Variants in BORCS5 observed in about 807,000 individuals in gnomAD.
BORCS5 encodes the protein BLOC-1 related complex subunit 5.
BORCS5 carries 17 observed loss-of-function variants against 22.1 expected under a neutral mutation model. The ratio of observed to expected loss-of-function variants is 0.77; its 90% CI spans 0.53 to 1.15. The LOEUF (loss-of-function observed/expected upper bound fraction) is 1.15. Ranked by LOEUF, BORCS5 falls within the 50% of genes most tolerant of loss-of-function variation. The pLI, the probability that BORCS5 is intolerant of heterozygous loss-of-function variation, is 0.00. For synonymous variants in BORCS5, 117 were observed against 99.8 expected, an observed-to-expected ratio of 1.17 and a Z score of -1.03; for missense variants, 247 against 253.2, an observed-to-expected ratio of 0.98 and a Z score of 0.17.
chr12:12,421,473 C>T (rs755550232), intron 2 of BORCS5, among the ~76,000 whole-genome samples: 9 of 152,238 alleles, frequency 5.9e-5, no homozygotes, highest in East Asian at 5.8e-4. Context: ...TGAGGATTTT[C>T]GCATCGATGT....
At chr12:12,413,839 G>A (rs367675964) in intron 2 of BORCS5, among the ~76,000 whole-genome samples, 6 of 57,776 alleles carry the variant, frequency 1.0e-4, no homozygotes, top group East Asian at 3.0e-4. Context: ...CGGGGGGCTG[G>A]CCCCCCCACC....
chr12:12,448,806 C>T (rs1317656139), intron 3 of BORCS5, among the ~76,000 whole-genome samples: 2 of 152,322 alleles, frequency 1.3e-5, no homozygotes, highest in African/African-American at 4.8e-5. Flanking sequence ...GGATTACAGG[C>T]GTGAGCCACT....
chr12:12,362,232 T>C (rs991471966), intron 2 of BORCS5, among the ~76,000 whole-genome samples: 3 of 152,216 alleles, frequency 2.0e-5, no homozygotes, highest in Admixed American at 6.5e-5. Flanking sequence ...ATAAGCCTTT[T>C]ATAAGGCAGC....
At chr12:12,430,728 TC>T (rs1477094878) in intron 2 of BORCS5, among the ~76,000 whole-genome samples, 1 of 152,206 alleles carries the variant, frequency 6.6e-6, no homozygotes, top group Non-Finnish European at 1.5e-5. Flanking sequence ...TCCATCTAAT[TC>T]TTATATATCA....
chr12:12,361,281 G>C lies in BORCS5; in HGVS notation c.134G>C (p.Arg45Pro), dbSNP rs144877374. ...VVVAQGSQASRNVSNDPDVIK... is the reference protein window; with the variant it reads ...VVVAQGSQASPNVSNDPDVIK... ...GTAGCTCAGGGCTCCCAGGCCTCAC[G>C]GAACGTCAGCAACGATCCCGATGTC... Residue 45 changes from arginine (R) to proline (P), a missense_variant, in exon 2 of 4, where the codon CGG (arginine) becomes CCG (proline). Coordinates refer to ENST00000314565, the MANE Select transcript of BORCS5 (RefSeq NM_058169.6). The C allele has an allele frequency of 6.2e-7, 1 of 1,614,020 alleles. No homozygotes were observed. Among genetic ancestry groups the C allele is most frequent in the East Asian group, 2.2e-5 (1 of 44,888 alleles).
At chr12:12,387,098 C>T (rs1026216375) in intron 2 of BORCS5, among the ~76,000 whole-genome samples, 1 of 151,202 alleles carries the variant, frequency 6.6e-6, no homozygotes, top group African/African-American at 2.4e-5. Context: ...AAACACCTGG[C>T]CTCAAGTCAT....
intron 2 of BORCS5, among the ~76,000 whole-genome samples, chr12:12,422,638 T>C (rs1942164350): frequency 6.6e-6 from 1 of 151,922 alleles, no homozygotes; most frequent in Admixed American, 6.6e-5. Context: ...AGGAATGACC[T>C]CCAGAGGCAG....
intron 2 of BORCS5, among the ~76,000 whole-genome samples, chr12:12,416,718 A>T (rs985416798): frequency 1.3e-5 from 2 of 151,166 alleles, no homozygotes; most frequent in Admixed American, 1.3e-4. Flanking sequence ...ACCTCCGCCT[A>T]CTGAGTAGAT....
chr12:12,431,505 G>A (rs746200280), intron 2 of BORCS5, among the ~76,000 whole-genome samples: 2 of 147,310 alleles, frequency 1.4e-5, no homozygotes, highest in Non-Finnish European at 3.0e-5. Flanking sequence ...GGGTTCAAGC[G>A]ATTCTCCTGC....
chr12:12,364,562 C>G (rs1863364518), intron 2 of BORCS5, among the ~76,000 whole-genome samples: 1 of 151,774 alleles, frequency 6.6e-6, no homozygotes, highest in Non-Finnish European at 1.5e-5. Context: ...CCACGTGGTT[C>G]AGACCCATGT....
At chr12:12,427,931 C>T (rs1265238424) in intron 2 of BORCS5, among the ~76,000 whole-genome samples, 1 of 152,226 alleles carries the variant, frequency 6.6e-6, no homozygotes, top group Non-Finnish European at 1.5e-5. Flanking sequence ...AATACCATTA[C>T]ACTGGGGATT....
intron 2 of BORCS5, among the ~76,000 whole-genome samples, chr12:12,414,253 A>G (rs1754251944): frequency 6.4e-5 from 3 of 47,024 alleles, no homozygotes; most frequent in Non-Finnish European, 8.1e-5. Flanking sequence ...GGCCGGGCAG[A>G]GGGGCTCCTC....
In BORCS5 at chr12:12,435,737, A is replaced by C; in HGVS notation, c.312A>C (p.Ala104=). The C allele has an allele frequency of 6.2e-7, 1 of 1,614,102 alleles. No individual in the cohort carries two copies. Among genetic ancestry groups the C allele is most frequent in the Non-Finnish European group, 8.5e-7 (1 of 1,179,982 alleles). Reference sequence around the variant, plus strand: ...ATCAAGATCACCTGCATCAGTGTGCAGAGGCCGTTGCTTTTGACCAGAATG... The same window carrying C: ...ATCAAGATCACCTGCATCAGTGTGCCGAGGCCGTTGCTTTTGACCAGAATG... ...LRYQDHLHQC[A]EAVAFDQNAL... The change falls in exon 3 of 4, where the codon GCA becomes GCC. Residue 104 remains alanine (A), a synonymous_variant. Transcript: ENST00000314565.
intron 2 of BORCS5, among the ~76,000 whole-genome samples, chr12:12,383,942 A>G (rs986821373): frequency 2.0e-5 from 3 of 150,926 alleles, no homozygotes; most frequent in Non-Finnish European, 4.4e-5. Flanking sequence ...TGTTGCACAG[A>G]TCTCTAAGGC....
Position 12,379,580 on chromosome 12 carries a change from G to A in BORCS5, c.202+18231G>A, listed in dbSNP as rs553922234. Among the ~76,000 whole-genome samples, 5 of 151,614 alleles carry A rather than the reference G, an allele frequency of 3.3e-5. No homozygotes were observed. In the South Asian group the frequency reaches 8.3e-4, roughly 25 times the overall value. ...AGAAAGAATTTAGAATCTCCTACCC[G>A]ACAGAGCTTTTAAGATCCACTAAAG... is the stretch of plus-strand genomic sequence containing the variant. On this transcript the variant is annotated intron_variant, in intron 2 of 3. Transcript: ENST00000314565.
At chr12:12,359,919 C>T (rs1246684650) in intron 1 of BORCS5, among the ~76,000 whole-genome samples, 1 of 151,964 alleles carries the variant, frequency 6.6e-6, no homozygotes, top group African/African-American at 2.4e-5. Flanking sequence ...AAATTTTGTA[C>T]CCTTTATTTC....
At chr12:12,384,698 A>G (rs1863844059) in intron 2 of BORCS5, among the ~76,000 whole-genome samples, 1 of 150,406 alleles carries the variant, frequency 6.6e-6, no homozygotes, top group South Asian at 2.1e-4. Context: ...TCCACCCCAC[A>G]CCCTCCTTTT....
At chr12:12,385,658 C>T (rs1028050870) in intron 2 of BORCS5, among the ~76,000 whole-genome samples, 1 of 151,082 alleles carries the variant, frequency 6.6e-6, no homozygotes, top group Non-Finnish European at 1.5e-5. Context: ...TGCAGGAGCA[C>T]ACCACCATGC....
chr12:12,419,984 A>G (rs897780704), intron 2 of BORCS5, among the ~76,000 whole-genome samples: 4 of 151,964 alleles, frequency 2.6e-5, no homozygotes, highest in Admixed American at 2.6e-4. Flanking sequence ...ATTTTCTCCC[A>G]TTCTGTAGGT....
Sources: gnomAD v4.1 joint callset for allele counts (sites outside exome capture counted in the v4.1 genomes callset) on GRCh38, gnomAD v4.1.1 for gene constraint, MANE v1.5 for transcripts, NCBI Gene and HGNC (gene_info 2026-07-23, HGNC 2026-07-21) for gene names.